The following RPS3 variants were observed in gnomAD, a reference collection of about 807,000 sequenced individuals.
RPS3 encodes ribosomal protein S3, also known as small ribosomal subunit protein uS3.
RPS3 carries 2 observed loss-of-function variants against 25.8 expected under a neutral mutation model. The ratio of observed to expected loss-of-function variants is 0.08; its 90% CI spans 0.03 to 0.24. The LOEUF (loss-of-function observed/expected upper bound fraction) is 0.24, where lower values mean the gene tolerates loss of function less well. Ranked by LOEUF, RPS3 falls within the 10% of genes least tolerant of loss-of-function variation. The probability of loss-of-function intolerance (pLI) is 1.00; values close to 1 mark genes in which losing one functional copy is unlikely to be tolerated. For missense variants in RPS3, 107 were observed against 307.1 expected, an observed-to-expected ratio of 0.35 and a Z score of 4.87; for synonymous variants, 114 against 114.2, an observed-to-expected ratio of 1.00 and a Z score of 0.01.
chr11:75,418,140 C>T (rs1948414325), intron 6 of RPS3, among the ~76,000 whole-genome samples: 1 of 152,232 alleles, frequency 6.6e-6, no homozygotes, highest in African/African-American at 2.4e-5. Context: ...GAAGCTTTGG[C>T]TCTGCTTTCA....
intron 6 of RPS3, among the ~76,000 whole-genome samples, chr11:75,419,076 G>T (rs996981226): frequency 6.6e-6 from 1 of 152,146 alleles, no homozygotes; most frequent in African/African-American, 2.4e-5. Context: ...CCTGCCAGAG[G>T]GGGTGGGTGC....
chr11:75,419,745 T>A (rs1948427639), intron 6 of RPS3, among the ~76,000 whole-genome samples: 1 of 152,120 alleles, frequency 6.6e-6, no homozygotes, highest in Admixed American at 6.5e-5. Context: ...GCAATTCTCC[T>A]GCCTCAGCCT....
chr11:75,401,761 T>C, intron 3 of RPS3, 28 bp downstream of exon 3: 5 of 1,226,856 alleles, frequency 4.1e-6, no homozygotes, highest in Non-Finnish European at 6.0e-6. Flanking sequence ...ATGCCAGAGG[T>C]AATGGCTCTT....
At chr11:75,410,524 G>C (rs1271991166), downstream of RPS3, among the ~76,000 whole-genome samples, 1 of 151,064 alleles carries the variant, frequency 6.6e-6, no homozygotes, top group Non-Finnish European at 1.5e-5. Flanking sequence ...CAGGCAGAGG[G>C]GCTCCTCATA....
At chr11:75,417,070 A>G (rs1417790434) in intron 6 of RPS3, among the ~76,000 whole-genome samples, 1 of 152,200 alleles carries the variant, frequency 6.6e-6, no homozygotes, top group Admixed American at 6.5e-5. Context: ...TAAACATTTA[A>G]TCTTCCTGAC....
Position 75,404,328 on chromosome 11 carries a change from G to GTA in RPS3, c.538+123_538+124dup. 1 of 927,544 alleles carries GTA rather than the reference G, an allele frequency of 1.1e-6. No homozygotes were observed. Among genetic ancestry groups the GTA allele is most frequent in the Non-Finnish European group, 1.7e-6 (1 of 576,260 alleles). 57.5% of individuals were successfully genotyped at this position (927,544 alleles called of 1,614,324 possible). A position where few individuals can be genotyped will look rare whatever the true frequency, so the allele number is the denominator to read the frequency against. On this transcript the variant is annotated intron_variant, in intron 5 of 6. Transcript: ENST00000531188. This position sits in a 1 kb window ranked among gnomAD's most constrained non-coding sequence, Gnocchi z 4.6. ...GCTGGGCATGTTCATATTCCTTGGT[G>GTA]TATCGATTGCCACGTTGATCTGTAA... is the stretch of plus-strand genomic sequence containing the variant.
chr11:75,412,089 A>G (rs980776245), intron 6 of RPS3, among the ~76,000 whole-genome samples: 18 of 152,340 alleles, frequency 1.2e-4, no homozygotes, highest in African/African-American at 4.1e-4. Flanking sequence ...CTTGAAGGAA[A>G]GGCCAAACAA....
chr11:75,416,700 C>T (rs377105304), intron 6 of RPS3, among the ~76,000 whole-genome samples: 2 of 152,084 alleles, frequency 1.3e-5, no homozygotes, highest in Non-Finnish European at 2.9e-5. Flanking sequence ...TGTGGTGATC[C>T]GCCCACCTCA....
chr11:75,408,233 T>C (rs895847528), downstream of RPS3, among the ~76,000 whole-genome samples: 84 of 152,308 alleles, frequency 5.5e-4, no homozygotes, highest in African/African-American at 1.8e-3. Flanking sequence ...CCAGCTGTGG[T>C]GGCTCACACC....
chr11:75,403,903 C>G, intron 4 of RPS3, 117 bp from the exon 5 acceptor site: 1 of 947,162 alleles, frequency 1.1e-6, no homozygotes, highest in Non-Finnish European at 1.6e-6. Context: ...TGGGGCCGGA[C>G]TCTGGTCAAA....
rs766838537 is a variant in RPS3 at position 75,402,497 on chromosome 11, C to T, written c.350+51C>T. On this transcript the variant is annotated intron_variant, in intron 4 of 6. Transcript: ENST00000531188. The stretch of plus-strand genomic sequence containing the variant: ...ATGACCTTTTGTGTGTATCAACATA[C>T]ATGTCTGCCATTTGTTAATTTAGCA... 39 of 1,546,314 alleles carry T rather than the reference C, an allele frequency of 2.5e-5. 1 individual carries two copies. Among genetic ancestry groups the T allele is most frequent in the South Asian group, 2.2e-4 (19 of 85,168 alleles).
rs1249269326 is a variant in RPS3, at chr11:75,400,675, T to C, written c.31-19T>C. On this transcript the variant is annotated intron_variant, in intron 1 of 6. Coordinates refer to ENST00000531188, the MANE Select transcript of RPS3 (RefSeq NM_001005.5). The stretch of plus-strand genomic sequence containing the variant: ...CTACACCGATCTCCTAATTTTGAAC[T>C]TTGCTTTGTTTGGATTAGTTTGTCG... The C allele has an allele frequency of 6.2e-7, 1 of 1,609,552 alleles. No individual in the cohort carries two copies. Among genetic ancestry groups the C allele is most frequent in the African/African-American group, 1.3e-5 (1 of 74,756 alleles).
chr11:75,420,276 T>C (rs1251680902), intron 6 of RPS3, among the ~76,000 whole-genome samples: 1 of 152,194 alleles, frequency 6.6e-6, no homozygotes, highest in Non-Finnish European at 1.5e-5. Flanking sequence ...ACCTGGGGTG[T>C]CACCTTTTGC....
At chr11:75,402,195 T>G in intron 3 of RPS3, 157 bp from the exon 4 acceptor site, 1 of 1,052,186 alleles carries the variant, frequency 9.5e-7, no homozygotes, top group Non-Finnish European at 1.4e-6. Context: ...TGAATTTGTG[T>G]TGGGCCACAA....
At chr11:75,409,166 TTTATTA>T (rs201512416), downstream of RPS3, among the ~76,000 whole-genome samples, 1,041 of 150,908 alleles carry the variant, frequency 6.9e-3, 13 homozygotes, top group African/African-American at 0.023. Context: ...TTTTATTTTA[TTTATTA>T]TTATTATTAT....
chr11:75,409,199 T>G (rs940540228), downstream of RPS3, among the ~76,000 whole-genome samples: 4 of 149,960 alleles, frequency 2.7e-5, no homozygotes, highest in Non-Finnish European at 5.9e-5. Flanking sequence ...ATTTATTTAT[T>G]TTTTTATTGA....
chr11:75,411,493 C>T (rs888760235), downstream of RPS3, among the ~76,000 whole-genome samples: 1 of 152,088 alleles, frequency 6.6e-6, no homozygotes, highest in African/African-American at 2.4e-5. Flanking sequence ...GGCTTCACGA[C>T]ATTCTCCTGC....
At chr11:75,421,192 G>A (rs1016467363) in intron 6 of RPS3, among the ~76,000 whole-genome samples, 110 of 152,272 alleles carry the variant, frequency 7.2e-4, no homozygotes, top group African/African-American at 2.5e-3. Flanking sequence ...TCGGCGGGTC[G>A]GAGCTCAGCT....
chr11:75,403,860 G>A (rs1226189084), intron 4 of RPS3, 160 bp from the exon 5 acceptor site: 4 of 635,552 alleles, frequency 6.3e-6, no homozygotes, highest in Non-Finnish European at 8.1e-6. Flanking sequence ...CCTAAGGTTC[G>A]GAATGATAGG....
Sources: gnomAD v4.1 joint callset for allele counts (sites outside exome capture counted in the v4.1 genomes callset) on GRCh38, gnomAD v4.1.1 for gene constraint, Gnocchi (gnomAD v3.1) non-coding constraint, MANE v1.5 for transcripts, NCBI Gene and HGNC (gene_info 2026-07-23, HGNC 2026-07-21) for gene names.